Variants in NAV2 observed in about 807,000 individuals in gnomAD.
NAV2 encodes helicase, APC down-regulated 1.
Under a neutral mutation model 223.2 loss-of-function variants are expected in NAV2, and 54 were observed. The observed-to-expected ratio is 0.24, with a 90% CI of 0.19 to 0.30. NAV2 has a LOEUF of 0.30. Ranked by LOEUF, NAV2 falls within the 10% of genes least tolerant of loss-of-function variation. NAV2 has a pLI of 1.00. For synonymous variants in NAV2, 1,279 were observed against 1,239.3 expected (o/e 1.03, Z -0.67); for missense variants, 2,806 against 3,147.5 (o/e 0.89, Z 2.60).
At chr11:19,593,448 A>G (rs1387988375) in intron 1 of NAV2, among the ~76,000 whole-genome samples, 1 of 152,228 alleles carries the variant, frequency 6.6e-6, no homozygotes, top group African/African-American at 2.4e-5. Flanking sequence ...AACCAGGAAA[A>G]GTATCTGGGT....
intron 6 of NAV2, among the ~76,000 whole-genome samples, chr11:19,905,427 T>C (rs1188476867): frequency 2.0e-5 from 3 of 152,182 alleles, no homozygotes; most frequent in Admixed American, 2.0e-4. Context: ...TTTTAAAAAA[T>C]CTATTTCACT....
chr11:20,068,629 TAGTATTTACATCTC>T (rs1383008304), intron 22 of NAV2, among the ~76,000 whole-genome samples: 2 of 152,326 alleles, frequency 1.3e-5, no homozygotes, highest in East Asian at 3.9e-4. Context: ...ACGAGGGTGA[TAGTATTTACATCTC>T]AGTATTGGCC....
chr11:19,376,675 C>G (rs1421929235), intron 1 of NAV2, among the ~76,000 whole-genome samples: 1 of 152,178 alleles, frequency 6.6e-6, no homozygotes, highest in Non-Finnish European at 1.5e-5. Flanking sequence ...GTCTAGAACC[C>G]TCAGCTTGGT....
intron 11 of NAV2, among the ~76,000 whole-genome samples, chr11:20,019,183 C>T (rs1307711866): frequency 3.3e-5 from 5 of 152,128 alleles, no homozygotes; most frequent in African/African-American, 1.2e-4. Context: ...GGCTGAGCGA[C>T]CCGGGAGGTG....
At position 20,055,627 on chromosome 11, in the gene NAV2, G is replaced by T. The variant is rs535929716; in HGVS notation, c.4643-142G>T. On this transcript the variant is annotated intron_variant, in intron 18 of 37. Transcript: ENST00000349880. ...CGGTGTGTAACTCAAATGCTGATGGGACTACCTTTTAGAAAACAGATGGGA... is the reference window on the plus strand; with the variant it reads ...CGGTGTGTAACTCAAATGCTGATGGTACTACCTTTTAGAAAACAGATGGGA... 2.5e-5 allele frequency: 18 copies of T among 722,950 alleles called. 1 individual carries two copies. In the South Asian group the frequency reaches 3.3e-4, roughly 13 times the overall value. The allele number at this position is 722,950 out of a possible 1,614,324, so 44.8% of individuals were successfully genotyped here. A position where few individuals can be genotyped will look rare whatever the true frequency, so the allele number is the denominator to read the frequency against.
At chr11:19,914,325 C>T (rs909178401) in intron 6 of NAV2, among the ~76,000 whole-genome samples, 3 of 152,118 alleles carry the variant, frequency 2.0e-5, no homozygotes, top group African/African-American at 7.2e-5. Context: ...CTATTTTTGC[C>T]TAGTCTGTTC....
At chr11:19,574,065 C>A (rs137972133) in intron 1 of NAV2, among the ~76,000 whole-genome samples, 1 of 152,306 alleles carries the variant, frequency 6.6e-6, no homozygotes, top group Non-Finnish European at 1.5e-5. Flanking sequence ...GTGTGAAGGG[C>A]ATTTTCTGTC....
At chr11:19,396,302 A>T (rs748831972) in intron 1 of NAV2, among the ~76,000 whole-genome samples, 3 of 152,140 alleles carry the variant, frequency 2.0e-5, no homozygotes, top group Non-Finnish European at 2.9e-5. Context: ...TCGCATGGTG[A>T]GGAAGTACGG....
intron 1 of NAV2, among the ~76,000 whole-genome samples, chr11:19,552,765 G>A (rs2044731212): frequency 6.6e-6 from 1 of 152,160 alleles, no homozygotes; most frequent in South Asian, 2.1e-4. Flanking sequence ...AGCGTGCTGT[G>A]AGGATTTTCT....
At chr11:19,685,867 G>A (rs1161368014) in intron 1 of NAV2, among the ~76,000 whole-genome samples, 11 of 152,188 alleles carry the variant, frequency 7.2e-5, no homozygotes, top group Admixed American at 7.2e-4. Flanking sequence ...TCTGCACCAA[G>A]AGGTGCTTTT....
At chr11:19,434,188 T>G (rs993717234) in intron 1 of NAV2, among the ~76,000 whole-genome samples, 1 of 152,144 alleles carries the variant, frequency 6.6e-6, no homozygotes, top group Admixed American at 6.5e-5. Flanking sequence ...TGGTTTTCCA[T>G]GTGTCTCAAG....
intron 1 of NAV2, among the ~76,000 whole-genome samples, chr11:19,642,822 C>T (rs1356427819): frequency 2.6e-5 from 4 of 152,064 alleles, no homozygotes; most frequent in African/African-American, 9.7e-5. Flanking sequence ...ACCCATGGCT[C>T]CTGGGAAATG....
At chr11:19,903,874 A>G (rs977886665) in intron 6 of NAV2, among the ~76,000 whole-genome samples, 3 of 152,184 alleles carry the variant, frequency 2.0e-5, no homozygotes, top group African/African-American at 2.4e-5. Flanking sequence ...AGGAGAATGT[A>G]TGTGAAATGG....
At chr11:19,832,282 G>A (rs907594002) in intron 1 of NAV2, among the ~76,000 whole-genome samples, 7 of 152,164 alleles carry the variant, frequency 4.6e-5, no homozygotes, top group Admixed American at 4.6e-4. Context: ...GAATCTTGAC[G>A]GCAGTCCTCT....
At chr11:19,621,714 A>G (rs1177828757) in intron 1 of NAV2, among the ~76,000 whole-genome samples, 1 of 151,634 alleles carries the variant, frequency 6.6e-6, no homozygotes, top group Non-Finnish European at 1.5e-5. Context: ...CAGCTCCTGG[A>G]TTCATTGATT....
At chr11:19,964,679 T>C (rs2153415359) in intron 10 of NAV2, among the ~76,000 whole-genome samples, 1 of 151,994 alleles carries the variant, frequency 6.6e-6, no homozygotes, top group African/African-American at 2.4e-5. Flanking sequence ...TAAAACATTT[T>C]TTGTAGAAAT....
chr11:19,624,170 C>T (rs1442508266), intron 1 of NAV2, among the ~76,000 whole-genome samples: 9 of 152,166 alleles, frequency 5.9e-5, no homozygotes, highest in South Asian at 2.1e-4. Flanking sequence ...AGGTGTCAGT[C>T]GGACCCTACT....
At position 19,917,514 on chromosome 11, in the gene NAV2, G is replaced by A. The variant is rs139633836; in HGVS notation, c.932-15662G>A. Among the ~76,000 whole-genome samples the A allele has an allele frequency of 7.3e-3, 1,105 of 152,178 alleles. 12 individuals carry two copies. The highest frequency in any genetic ancestry group is 0.025 in the African/African-American group (1,036 of 41,506). On this transcript the variant is annotated intron_variant, in intron 6 of 37. Coordinates refer to ENST00000349880, the MANE Select transcript of NAV2 (RefSeq NM_145117.5). Reference sequence around the variant, plus strand: ...AACTCTCCCCTGTAACTGAAATGTCGTTGCCCCTCTTACCCTCACAGACAG... The same window carrying A: ...AACTCTCCCCTGTAACTGAAATGTCATTGCCCCTCTTACCCTCACAGACAG...
chr11:19,815,290 G>A (rs2059037551), intron 1 of NAV2, among the ~76,000 whole-genome samples: 1 of 152,188 alleles, frequency 6.6e-6, no homozygotes, highest in South Asian at 2.1e-4. Context: ...TATTGGACAT[G>A]TGTGTCGTTT....
Sources: gnomAD v4.1 joint callset for allele counts (sites outside exome capture counted in the v4.1 genomes callset) on GRCh38, gnomAD v4.1.1 for gene constraint, MANE v1.5 for transcripts, NCBI Gene and HGNC (gene_info 2026-07-23, HGNC 2026-07-21) for gene names.